The following RCAN2 variants were observed in gnomAD, a reference collection of about 807,000 sequenced individuals.
RCAN2 encodes the protein regulator of calcineurin 2.
A neutral mutation model predicts 23.6 loss-of-function variants in RCAN2; 9 were observed. That is an observed-to-expected ratio of 0.38 (90% CI 0.23 to 0.67). The LOEUF is 0.67. RCAN2 is among the 30% of genes least tolerant of loss of function. RCAN2 has a pLI of 0.51. For missense variants in RCAN2, 273 were observed against 302.3 expected, an observed-to-expected ratio of 0.90 and a Z score of 0.72; for synonymous variants, 109 against 115.7, an observed-to-expected ratio of 0.94 and a Z score of 0.37.
At chr6:46,259,654 A>G (rs1486428805) in intron 2 of RCAN2, among the ~76,000 whole-genome samples, 1 of 152,162 alleles carries the variant, frequency 6.6e-6, no homozygotes, top group Non-Finnish European at 1.5e-5. Context: ...TTCTGACTCT[A>G]TCTGCCTGAA....
chr6:46,359,210 A>G (rs1304317595), intron 2 of RCAN2, among the ~76,000 whole-genome samples: 1 of 152,212 alleles, frequency 6.6e-6, no homozygotes, highest in Non-Finnish European at 1.5e-5. Context: ...CAGGTGCCCA[A>G]CCTTGACACT....
intron 2 of RCAN2, among the ~76,000 whole-genome samples, chr6:46,387,286 A>C (rs1426128203): frequency 2.0e-5 from 3 of 152,236 alleles, no homozygotes; most frequent in East Asian, 3.8e-4. Context: ...TCTGCACAGC[A>C]AAAGAAACTA....
intron 2 of RCAN2, among the ~76,000 whole-genome samples, chr6:46,260,867 T>C (rs1459095787): frequency 1.3e-5 from 2 of 152,192 alleles, no homozygotes; most frequent in Non-Finnish European, 1.5e-5. Flanking sequence ...CTAAAGACTT[T>C]TGAGTAAGTA....
At chr6:46,491,456 G>A (rs566321591), upstream of RCAN2, 6 of 152,360 alleles carry the variant, frequency 3.9e-5, no homozygotes, top group South Asian at 1.2e-3. Context: ...CTCCAGGGAG[G>A]GGCTGAGCCG....
chr6:46,392,132 T>C (rs1765954609), intron 2 of RCAN2, among the ~76,000 whole-genome samples: 2 of 152,140 alleles, frequency 1.3e-5, no homozygotes, highest in South Asian at 4.1e-4. Flanking sequence ...AAAATGTACA[T>C]GTAAGCCATG....
At chr6:46,491,708 C>G (rs982859127), upstream of RCAN2, among the ~76,000 whole-genome samples, 1 of 151,060 alleles carries the variant, frequency 6.6e-6, no homozygotes, top group African/African-American at 2.4e-5. Context: ...AGCCTCCGGG[C>G]ACCTGGCGTG....
chr6:46,295,457 A>T (rs1469165883), intron 2 of RCAN2, among the ~76,000 whole-genome samples: 1 of 152,132 alleles, frequency 6.6e-6, no homozygotes, highest in Non-Finnish European at 1.5e-5. Flanking sequence ...ACAGAAGAAC[A>T]CCAGAAAAGA....
chr6:46,233,855 G>C (rs1050435995), intron 4 of RCAN2, among the ~76,000 whole-genome samples: 4 of 151,854 alleles, frequency 2.6e-5, no homozygotes, highest in Admixed American at 6.6e-5. Context: ...AGCCTCTCGA[G>C]TAGCTGGGAT....
chr6:46,364,375 A>G (rs919824865), intron 2 of RCAN2, among the ~76,000 whole-genome samples: 5 of 152,090 alleles, frequency 3.3e-5, no homozygotes, highest in African/African-American at 7.2e-5. Context: ...CCAAAAGTAC[A>G]CTGATCAGAA....
chr6:46,456,758 C>G lies in RCAN2; in HGVS notation c.219G>C (p.Glu73Asp). Reference protein sequence around the residue: ...NVHQSVFEGEESKEKFEGLFR... With the variant: ...NVHQSVFEGEDSKEKFEGLFR... ...ACAGAAAAAGGCAGCTTACCTTGCTCTCTTCTCCTTCAAACACTGACTGGT... is the reference window on the plus strand; with the variant it reads ...ACAGAAAAAGGCAGCTTACCTTGCTGTCTTCTCCTTCAAACACTGACTGGT... Residue 73 changes from glutamate (E) to aspartate (D), a missense_variant, in exon 2 of 5, where the codon GAG becomes GAC. Glu to Asp is a conservative substitution (Grantham distance 45). Coordinates refer to ENST00000371374, the MANE Select transcript of RCAN2 (RefSeq NM_001251974.2). The G allele has an allele frequency of 6.5e-7, 1 of 1,550,036 alleles. No individual in the cohort carries two copies. The highest frequency in any genetic ancestry group is 8.7e-7 in the Non-Finnish European group (1 of 1,146,194).
upstream of RCAN2, among the ~76,000 whole-genome samples, chr6:46,491,638 C>T (rs1769158231): frequency 6.6e-6 from 1 of 152,018 alleles, no homozygotes; most frequent in Non-Finnish European, 1.5e-5. Flanking sequence ...CCGGGGCTCT[C>T]ACCCTGCCCT....
chr6:46,475,272 A>C lies in RCAN2; in HGVS notation c.-3+15901T>G, dbSNP rs965756415. ...GCAGAAGCCATTGCTGTTTTCAAGAAATGCCCACTTGAGCAAGCTTCTGGC... is the reference window on the plus strand; with the variant it reads ...GCAGAAGCCATTGCTGTTTTCAAGACATGCCCACTTGAGCAAGCTTCTGGC... On this transcript the variant is annotated intron_variant, in intron 1 of 4. Transcript: ENST00000371374. Among the ~76,000 whole-genome samples the C allele has an allele frequency of 2.6e-5, 4 of 152,176 alleles. No individual in the cohort carries two copies. In the South Asian group the frequency reaches 8.3e-4, roughly 32 times the overall value.
At chr6:46,229,917 C>T (rs1482442326) in intron 4 of RCAN2, among the ~76,000 whole-genome samples, 3 of 152,058 alleles carry the variant, frequency 2.0e-5, no homozygotes, top group Non-Finnish European at 4.4e-5. Context: ...TTTTATCTAC[C>T]TTTGGTCTTT....
intron 4 of RCAN2, among the ~76,000 whole-genome samples, chr6:46,230,712 C>T (rs1229317082): frequency 6.6e-6 from 1 of 152,200 alleles, no homozygotes; most frequent in Non-Finnish European, 1.5e-5. Context: ...ATTCCCCAAC[C>T]CCTAGTGCTT....
intron 2 of RCAN2, among the ~76,000 whole-genome samples, chr6:46,343,375 A>ATTTTTT (rs3084618): frequency 0.018 from 2,430 of 135,606 alleles, 83 homozygotes; most frequent in Non-Finnish European, 0.029. Flanking sequence ...TGGGAAAACA[A>ATTTTTT]TTTTTTTTTT....
intron 1 of RCAN2, among the ~76,000 whole-genome samples, chr6:46,483,396 A>C (rs1189925542): frequency 6.6e-6 from 1 of 152,160 alleles, no homozygotes; most frequent in Non-Finnish European, 1.5e-5. Context: ...AACAACAGAC[A>C]CTGAACCTCC....
At position 46,222,908 on chromosome 6, in the gene RCAN2, AT is replaced by A. The variant is rs1268580118; in HGVS notation, c.*232del. 3.9e-6 allele frequency: 2 copies of A among 510,880 alleles called. No homozygotes were observed. Among genetic ancestry groups the A allele is most frequent in the Non-Finnish European group, 7.0e-6 (2 of 284,906 alleles). The allele number at this position is 510,880 out of a possible 1,614,324, so 31.6% of individuals were successfully genotyped here. ...GCTGTGCTGATTGTTTAATAAGAAA[AT>A]ACTACTTTTTTCCCTAGAACCTTCT... On this transcript the variant is annotated 3_prime_UTR_variant, in exon 5 of 5. Transcript: ENST00000371374.
At chr6:46,255,266 G>A (rs1315348665) in intron 2 of RCAN2, among the ~76,000 whole-genome samples, 2 of 152,088 alleles carry the variant, frequency 1.3e-5, no homozygotes, top group Non-Finnish European at 1.5e-5. Flanking sequence ...GTGTATGTGT[G>A]TGTGTGTTGA....
chr6:46,462,413 T>C (rs1046789078), intron 1 of RCAN2, among the ~76,000 whole-genome samples: 6 of 152,232 alleles, frequency 3.9e-5, no homozygotes, highest in Non-Finnish European at 5.9e-5. Context: ...AGGGAGGGTT[T>C]GCGACCATTT....
Sources: allele counts gnomAD v4.1 joint callset (sites outside exome capture counted in the v4.1 genomes callset), GRCh38; gene constraint gnomAD v4.1.1; transcripts MANE v1.5; gene names NCBI Gene and HGNC (gene_info 2026-07-23, HGNC 2026-07-21).